The following HTR2C variants were observed in gnomAD, a reference collection of about 807,000 sequenced individuals.
HTR2C encodes the protein 5-hydroxytryptamine (serotonin) receptor 2C, G protein-coupled.
In HTR2C, 5 loss-of-function variants were observed where a neutral mutation model predicts 21.0. That is an observed-to-expected ratio of 0.24 (90% CI 0.12 to 0.50). HTR2C has a LOEUF of 0.50. Ranked by LOEUF, HTR2C falls within the 20% of genes least tolerant of loss-of-function variation. HTR2C has a pLI of 0.98. For synonymous variants in HTR2C, 150 were observed against 145.3 expected, an observed-to-expected ratio of 1.03 and a Z score of -0.23; for missense variants, 271 against 371.2, an observed-to-expected ratio of 0.73 and a Z score of 2.22.
chrX:114,758,167 G>C (rs2069832038), intron 4 of HTR2C, among the ~76,000 whole-genome samples: 1 of 111,643 alleles, frequency 9.0e-6, no homozygotes, highest in African/African-American at 3.3e-5. Flanking sequence ...CATTGGAAAA[G>C]ACAATATGTC....
At chrX:114,807,140 T>C (rs368681866) in intron 4 of HTR2C, among the ~76,000 whole-genome samples, 871 of 9,137 alleles carry the variant, frequency 0.095, 380 homozygotes, top group Admixed American at 0.17. Flanking sequence ...ACCATATATA[T>C]ACCATATATA....
chrX:114,675,980 C>T (rs1931546420), intron 2 of HTR2C, among the ~76,000 whole-genome samples: 1 of 108,272 alleles, frequency 9.2e-6, no homozygotes, highest in East Asian at 2.9e-4. Context: ...AGTGATTCTC[C>T]TGCCTCGGCC....
Position 114,661,761 on chromosome X carries a change from A to G in HTR2C, c.-80+47880A>G, listed in dbSNP as rs1022430724. On this transcript the variant is annotated intron_variant, in intron 2 of 5. Coordinates refer to ENST00000276198, the MANE Select transcript of HTR2C (RefSeq NM_000868.4). ...GAGATCTCAAATCCTTGAGCATTTC[A>G]GGGACCACTACTGTGTAATACCCAA... Among the ~76,000 whole-genome samples the G allele has an allele frequency of 4.5e-5, 5 of 111,748 alleles. No homozygotes were observed. In the East Asian group the frequency reaches 1.4e-3, roughly 32 times the overall value.
At chrX:114,752,452 C>T (rs1331335875) in intron 4 of HTR2C, among the ~76,000 whole-genome samples, 1 of 110,880 alleles carries the variant, frequency 9.0e-6, no homozygotes, top group Non-Finnish European at 1.9e-5. Flanking sequence ...TTTTGATTCT[C>T]TCAAAAGAAA....
At chrX:114,719,851 G>A (rs139035557) in intron 2 of HTR2C, among the ~76,000 whole-genome samples, 2,682 of 111,053 alleles carry the variant, frequency 0.024, 86 homozygotes, top group African/African-American at 0.084. Flanking sequence ...TAAAAATGTG[G>A]CTAATAAAGT....
At chrX:114,874,559 G>T (rs1317880943) in intron 5 of HTR2C, among the ~76,000 whole-genome samples, 1 of 109,593 alleles carries the variant, frequency 9.1e-6, no homozygotes, top group Non-Finnish European at 1.9e-5. Context: ...CCCAGACAGG[G>T]GTGCAATGGC....
At chrX:114,614,242 GT>G (rs1189801929) in intron 2 of HTR2C, among the ~76,000 whole-genome samples, 11 of 104,801 alleles carry the variant, frequency 1.0e-4, no homozygotes, top group South Asian at 4.4e-4. Flanking sequence ...ACAAACTCTT[GT>G]TTTTTTTTTG....
intron 4 of HTR2C, among the ~76,000 whole-genome samples, chrX:114,821,545 G>A (rs1300695931): frequency 1.8e-5 from 2 of 111,226 alleles, no homozygotes; most frequent in African/African-American, 3.3e-5. Flanking sequence ...AAATTCCATG[G>A]TAAATTAGTG....
intron 2 of HTR2C, among the ~76,000 whole-genome samples, chrX:114,677,870 A>C (rs1931612322): frequency 9.0e-6 from 1 of 111,227 alleles, no homozygotes; most frequent in South Asian, 3.8e-4. Flanking sequence ...TTTTAATGTC[A>C]CCACTTTTCC....
chrX:114,584,886 G>A (rs1927323941), intron 1 of HTR2C, among the ~76,000 whole-genome samples: 2 of 108,002 alleles, frequency 1.9e-5, no homozygotes, highest in Non-Finnish European at 3.8e-5. Flanking sequence ...AGTCTCTAAG[G>A]GGATTGGGAG....
intron 2 of HTR2C, among the ~76,000 whole-genome samples, chrX:114,708,787 A>G (rs1275156356): frequency 2.3e-5 from 2 of 88,411 alleles, no homozygotes; most frequent in African/African-American, 7.7e-5. Context: ...AGCTTGGGTG[A>G]CAGAGGGAGA....
In HTR2C at chrX:114,792,582, C is replaced by T. The variant is rs782291735; in HGVS notation, c.350-55421C>T. On this transcript the variant is annotated intron_variant, in intron 4 of 5. Transcript: ENST00000276198. ...TGTGAATAGTGCTGCAATAAACATA[C>T]GTGTGCATGTATTTTTATAATAGAA... is the stretch of plus-strand genomic sequence containing the variant. Among the ~76,000 whole-genome samples the T allele has an allele frequency of 5.4e-5, 6 of 111,603 alleles. No individual in the cohort carries two copies. The South Asian group carries it at 1.9e-3, about 35-fold the overall frequency.
chrX:114,896,860 G>T (rs782223905), intron 5 of HTR2C, among the ~76,000 whole-genome samples: 11 of 111,149 alleles, frequency 9.9e-5, no homozygotes, highest in Non-Finnish European at 2.1e-4. Context: ...AATATGACTA[G>T]GTTTAAGTCT....
intron 4 of HTR2C, among the ~76,000 whole-genome samples, chrX:114,779,014 T>A (rs1441363741): frequency 8.9e-6 from 1 of 112,209 alleles, no homozygotes; most frequent in East Asian, 2.8e-4. Context: ...ATAAATCTTA[T>A]GTTCTTAATT....
At chrX:114,799,761 T>A (rs2070328377) in intron 4 of HTR2C, among the ~76,000 whole-genome samples, 2 of 110,857 alleles carry the variant, frequency 1.8e-5, no homozygotes, top group South Asian at 7.4e-4. Context: ...TCCACGTCAG[T>A]GTTTTCAAGG....
intron 4 of HTR2C, among the ~76,000 whole-genome samples, chrX:114,833,854 C>G (rs1176156081): frequency 9.1e-6 from 1 of 109,685 alleles, no homozygotes; most frequent in Non-Finnish European, 1.9e-5. Context: ...ATAAGTTTCC[C>G]TCTACATACT....
At chrX:114,830,132 T>A (rs1157974362) in intron 4 of HTR2C, among the ~76,000 whole-genome samples, 2 of 111,680 alleles carry the variant, frequency 1.8e-5, no homozygotes, top group South Asian at 3.7e-4. Flanking sequence ...AAAATTTTAG[T>A]TGCCTGCAGA....
chrX:114,837,630 A>T (rs782153246), intron 4 of HTR2C, among the ~76,000 whole-genome samples: 24 of 110,390 alleles, frequency 2.2e-4, no homozygotes, highest in Non-Finnish European at 4.2e-4. Flanking sequence ...ATCCAGCCAG[A>T]CTATTATATT....
intron 2 of HTR2C, among the ~76,000 whole-genome samples, chrX:114,688,542 A>G (rs1228004362): frequency 9.0e-6 from 1 of 111,680 alleles, no homozygotes; most frequent in Non-Finnish European, 1.9e-5. Context: ...TGAATTATAC[A>G]TGTAGTACTT....
Sources: gnomAD v4.1 joint callset for allele counts (sites outside exome capture counted in the v4.1 genomes callset) on GRCh38, gnomAD v4.1.1 for gene constraint, MANE v1.5 for transcripts, NCBI Gene and HGNC (gene_info 2026-07-23, HGNC 2026-07-21) for gene names.